The following FAM185A variants were observed in gnomAD, a reference collection of about 807,000 sequenced individuals.
FAM185A encodes family with sequence similarity 185 member A.
In FAM185A, 21 loss-of-function variants were observed where a neutral mutation model predicts 45.7. That is an observed-to-expected ratio of 0.46 (90% CI 0.33 to 0.66). FAM185A has a LOEUF of 0.66. Ranked by LOEUF, FAM185A falls within the 30% of genes least tolerant of loss-of-function variation. The probability of loss-of-function intolerance (pLI) is 0.03; values close to 1 mark genes in which losing one functional copy is unlikely to be tolerated. For missense variants in FAM185A, 305 were observed against 485.4 expected (o/e 0.63, Z 3.49); for synonymous variants, 117 against 194.0 (o/e 0.60, Z 3.30).
intron 1 of FAM185A, among the ~76,000 whole-genome samples, chr7:102,750,567 TTTG>T (rs1382580083): frequency 2.6e-5 from 4 of 152,306 alleles, no homozygotes; most frequent in Admixed American, 6.5e-5. Context: ...AATTGCTGTA[TTTG>T]TTATTATTGT....
At chr7:102,786,713 G>C (rs1231383995) in intron 6 of FAM185A, among the ~76,000 whole-genome samples, 1 of 151,956 alleles carries the variant, frequency 6.6e-6, no homozygotes, top group African/African-American at 2.4e-5. Context: ...AGCATTAGGA[G>C]ATATACCTAA....
At chr7:102,751,115 A>G (rs1046935790) in intron 1 of FAM185A, among the ~76,000 whole-genome samples, 3 of 152,144 alleles carry the variant, frequency 2.0e-5, no homozygotes, top group Admixed American at 1.3e-4. Context: ...GAGTTTTGCT[A>G]CATTGTCCAG....
At chr7:102,759,195 T>C (rs962817439) in intron 3 of FAM185A, among the ~76,000 whole-genome samples, 5 of 152,082 alleles carry the variant, frequency 3.3e-5, no homozygotes, top group Non-Finnish European at 7.4e-5. Flanking sequence ...AAATGATGGC[T>C]AATGTTATTG....
At chr7:102,778,970 A>G (rs1369739512) in intron 6 of FAM185A, among the ~76,000 whole-genome samples, 1 of 152,156 alleles carries the variant, frequency 6.6e-6, no homozygotes, top group African/African-American at 2.4e-5. Context: ...AAAATATATA[A>G]TGCTTGTTTT....
At chr7:102,777,039 TA>T (rs545845016) in intron 5 of FAM185A, among the ~76,000 whole-genome samples, 165 of 152,306 alleles carry the variant, frequency 1.1e-3, no homozygotes, top group African/African-American at 3.8e-3. Context: ...TTAATATAGA[TA>T]AAGATTTTTA....
intron 7 of FAM185A, among the ~76,000 whole-genome samples, chr7:102,789,665 C>T (rs1307641132): frequency 5.3e-5 from 8 of 152,250 alleles, no homozygotes; most frequent in Admixed American, 1.3e-4. Context: ...GCCAAGATCG[C>T]GCCACTGCCC....
chr7:102,815,962 G>C, the FAM185A span, among the ~76,000 whole-genome samples: 1 of 152,158 alleles, frequency 6.6e-6, no homozygotes, highest in Admixed American at 6.5e-5. Context: ...AACAGTGAGT[G>C]AACAGGGAGA....
intron 1 of FAM185A, among the ~76,000 whole-genome samples, chr7:102,751,270 T>A (rs1460531322): frequency 2.6e-5 from 4 of 152,218 alleles, no homozygotes; most frequent in Admixed American, 2.6e-4. Context: ...TTCCCATTTT[T>A]AAAAAATTAC....
the FAM185A span, among the ~76,000 whole-genome samples, chr7:102,820,532 G>C: frequency 1.3e-5 from 2 of 152,110 alleles, no homozygotes; most frequent in African/African-American, 4.8e-5. Flanking sequence ...GGCAGGATTC[G>C]GATGTTACTG....
chr7:102,755,734 A>G (rs1286189901), intron 2 of FAM185A: 5 of 565,540 alleles, frequency 8.8e-6, no homozygotes, highest in South Asian at 5.4e-5. Context: ...AGGAAGACCT[A>G]CACCACTGTC....
chr7:102,749,883 G>C (rs1224173479), intron 1 of FAM185A, among the ~76,000 whole-genome samples: 1 of 152,200 alleles, frequency 6.6e-6, no homozygotes, highest in East Asian at 1.9e-4. Context: ...ATGGAAACAT[G>C]ATTTGGTATA....
intron 5 of FAM185A, among the ~76,000 whole-genome samples, chr7:102,776,929 T>C (rs1220634546): frequency 6.6e-6 from 1 of 152,010 alleles, no homozygotes; most frequent in African/African-American, 2.4e-5. Context: ...AAAAACTAAA[T>C]ATATCAATGA....
chr7:102,812,344 T>G (rs1371623194), downstream of FAM185A, among the ~76,000 whole-genome samples: 1 of 152,242 alleles, frequency 6.6e-6, no homozygotes, highest in Non-Finnish European at 1.5e-5. Flanking sequence ...GAGCATCTTT[T>G]TTGGCATAGC....
chr7:102,813,434 C>A, downstream of FAM185A: 5 of 1,614,172 alleles, frequency 3.1e-6, no homozygotes, highest in Non-Finnish European at 4.2e-6. Flanking sequence ...AGCTCTGTAA[C>A]AGGGTTTCCT....
the FAM185A span, among the ~76,000 whole-genome samples, chr7:102,837,557 T>A: frequency 5.9e-5 from 9 of 152,240 alleles, no homozygotes; most frequent in Non-Finnish European, 1.2e-4. Context: ...CAAATTCTTA[T>A]AAGCTTTTCT....
At chr7:102,840,759 G>T in the FAM185A span, among the ~76,000 whole-genome samples, 6 of 152,192 alleles carry the variant, frequency 3.9e-5, no homozygotes, top group African/African-American at 7.2e-5. Flanking sequence ...ATCTGAAATT[G>T]TATCTATGTG....
At chr7:102,834,105 A>G in the FAM185A span, among the ~76,000 whole-genome samples, 25 of 110,240 alleles carry the variant, frequency 2.3e-4, 1 homozygote, top group African/African-American at 6.6e-4. Context: ...AAAGAAAGAA[A>G]GAAAGAAAGA....
At chr7:102,811,563 A>G (rs899631924), downstream of FAM185A, among the ~76,000 whole-genome samples, 1 of 152,228 alleles carries the variant, frequency 6.6e-6, no homozygotes, top group African/African-American at 2.4e-5. Context: ...CAAGCTCTGA[A>G]TGTAAAGCAA....
chr7:102,755,508 G>A, intron 2 of FAM185A: 1 of 638,726 alleles, frequency 1.6e-6, no homozygotes, highest in Non-Finnish European at 2.8e-6. Flanking sequence ...CAGAGTTGTG[G>A]GCAAAGGGGA....
Sources: gnomAD v4.1 joint callset for allele counts (sites outside exome capture counted in the v4.1 genomes callset) on GRCh38, gnomAD v4.1.1 for gene constraint, MANE v1.5 for transcripts, NCBI Gene and HGNC (gene_info 2026-07-23, HGNC 2026-07-21) for gene names.